The following SYT2 variants were observed in gnomAD, a reference collection of about 807,000 sequenced individuals.
SYT2 encodes the protein synaptotagmin-2.
In SYT2, 15 loss-of-function variants were observed where a neutral mutation model predicts 39.9. The ratio of observed to expected loss-of-function variants is 0.38; its 90% CI spans 0.25 to 0.58. SYT2 has a LOEUF of 0.58. SYT2 is among the 20% of genes least tolerant of loss of function. The probability of loss-of-function intolerance (pLI) is 0.70; values close to 1 mark genes in which losing one functional copy is unlikely to be tolerated. For synonymous variants in SYT2, 181 were observed against 204.5 expected, an observed-to-expected ratio of 0.89 and a Z score of 0.98; for missense variants, 389 against 530.3, an observed-to-expected ratio of 0.73 and a Z score of 2.62.
chr1:202,597,093 C>G lies in SYT2; in HGVS notation c.1054-130G>C, dbSNP rs1239356618. On this transcript the variant is annotated intron_variant, in intron 8 of 8. Transcript: ENST00000367268. ...CTCCTGGGGCTCCTTGGTTTCATCT[C>G]TGCTCCAGTGAAGACTGAATTGACA... The G allele has an allele frequency of 2.3e-5, 17 of 745,134 alleles. No homozygotes were observed. The East Asian group carries it at 4.6e-4, about 20-fold the overall frequency. 46.2% of individuals were successfully genotyped at this position (745,134 alleles called of 1,614,324 possible). A position where few individuals can be genotyped will look rare whatever the true frequency, so the allele number is the denominator to read the frequency against.
intron 2 of SYT2, 152 bp downstream of exon 2, chr1:202,605,443 C>T (rs1572616169): frequency 1.6e-6 from 1 of 612,154 alleles, no homozygotes; most frequent in African/African-American, 1.8e-5. Context: ...TTCCCCCTCC[C>T]CGATTCCTGC....
intron 1 of SYT2, among the ~76,000 whole-genome samples, chr1:202,641,862 T>C (rs1691925664): frequency 6.6e-6 from 1 of 152,172 alleles, no homozygotes; most frequent in African/African-American, 2.4e-5. Flanking sequence ...GCAAAGAGGA[T>C]GTGTAATGCT....
At chr1:202,629,307 C>T (rs953336907) in intron 1 of SYT2, among the ~76,000 whole-genome samples, 2 of 152,204 alleles carry the variant, frequency 1.3e-5, no homozygotes, top group African/African-American at 4.8e-5. Context: ...TTCTTTCCTG[C>T]CCCTGTGTCC....
chr1:202,602,605 G>A (rs910512410), intron 4 of SYT2, 60 bp from the exon 5 acceptor site: 1 of 1,527,710 alleles, frequency 6.5e-7, no homozygotes, highest in East Asian at 2.3e-5. Flanking sequence ...TACCACAACT[G>A]GCCCCAGACC....
chr1:202,695,240 C>A (rs568398542), intron 1 of SYT2, among the ~76,000 whole-genome samples: 30 of 152,134 alleles, frequency 2.0e-4, no homozygotes, highest in Admixed American at 6.5e-5. Flanking sequence ...CACAGGGAGA[C>A]CTGTGACCCC....
At position 202,595,627 on chromosome 1, in the gene SYT2, C is replaced by T. The variant is rs1690259436; in HGVS notation, c.*1130G>A. On this transcript the variant is annotated 3_prime_UTR_variant, in exon 9 of 9. Coordinates refer to ENST00000367268, the MANE Select transcript of SYT2 (RefSeq NM_177402.5). ...ATTTAAACTTTCCTTTTAAAGTTCT[C>T]TGGCTCTGCACAGATAACGTGTCTT... 1 of 152,250 alleles carries T rather than the reference C, an allele frequency of 6.6e-6. No homozygotes were observed. The highest frequency in any genetic ancestry group is 1.5e-5 in the Non-Finnish European group (1 of 68,056). 9.4% of individuals were successfully genotyped at this position (152,250 alleles called of 1,614,324 possible). A position where few individuals can be genotyped will look rare whatever the true frequency, so the allele number is the denominator to read the frequency against.
rs1690195400 is a variant in SYT2, at chr1:202,593,548, A to G, written c.*3209T>C. ...CCTAATCCCTGCTATCTCATCCTCT[A>G]CTGAGGGACTCCAGGAAAGTCACTT... is the stretch of plus-strand genomic sequence containing the variant. On this transcript the variant is annotated 3_prime_UTR_variant, in exon 9 of 9. Transcript: ENST00000367268. 6.6e-6 allele frequency: 1 copy of G among 152,154 alleles called. No individual in the cohort carries two copies. The highest frequency in any genetic ancestry group is 2.1e-4 in the South Asian group (1 of 4,824). The allele number at this position is 152,154 out of a possible 1,614,324, so 9.4% of individuals were successfully genotyped here.
rs138110417 is a variant in SYT2 at position 202,655,006 on chromosome 1, T to C, written c.-17-49217A>G. Among the ~76,000 whole-genome samples, 9 of 152,272 alleles carry C rather than the reference T, an allele frequency of 5.9e-5. No individual in the cohort carries two copies. In the East Asian group the frequency reaches 1.4e-3, roughly 23 times the overall value. ...GCACTAAAAGCAACTCCTAAGCTCCTGGCTTGTACTATGGGCCAAATGGGG... is the reference window on the plus strand; with the variant it reads ...GCACTAAAAGCAACTCCTAAGCTCCCGGCTTGTACTATGGGCCAAATGGGG... On this transcript the variant is annotated intron_variant, in intron 1 of 8. Transcript: ENST00000367268.
intron 1 of SYT2, among the ~76,000 whole-genome samples, chr1:202,690,598 T>C (rs1013890811): frequency 3.9e-5 from 6 of 152,200 alleles, no homozygotes; most frequent in African/African-American, 1.4e-4. Context: ...TGAGACATGC[T>C]CAAGGACAAG....
chr1:202,624,767 G>C (rs796155692), intron 1 of SYT2, among the ~76,000 whole-genome samples: 221 of 21,394 alleles, frequency 0.01, no homozygotes, highest in Middle Eastern at 0.071. Flanking sequence ...TGTGTGTGTG[G>C]TGTGTGGTGT....
intron 1 of SYT2, among the ~76,000 whole-genome samples, chr1:202,612,032 C>T (rs1269308871): frequency 2.0e-5 from 3 of 152,052 alleles, no homozygotes; most frequent in African/African-American, 7.2e-5. Context: ...TAATTTTCTT[C>T]TAGAAATTAG....
intron 1 of SYT2, among the ~76,000 whole-genome samples, chr1:202,629,314 G>A (rs987455107): frequency 6.6e-6 from 1 of 152,134 alleles, no homozygotes; most frequent in Non-Finnish European, 1.5e-5. Context: ...CTGCCCCTGT[G>A]TCCAGATACT....
intron 1 of SYT2, among the ~76,000 whole-genome samples, chr1:202,633,186 T>A (rs1015902012): frequency 5.3e-5 from 8 of 152,074 alleles, no homozygotes; most frequent in Non-Finnish European, 1.0e-4. Context: ...AGCCACTAGC[T>A]CAAATACTGA....
In SYT2 at chr1:202,693,135, G is replaced by A. The variant is rs192506854; in HGVS notation, c.-18+17123C>T. 1.1e-4 allele frequency among the ~76,000 whole-genome samples: 16 copies of A among 152,252 alleles called. No homozygotes were observed. The East Asian group carries it at 3.1e-3, about 29-fold the overall frequency. ...CCCTACTGTCTGTGAGCAGAGGAGG[G>A]CAGCACTGAGCTCTGTCCATGGTGC... On this transcript the variant is annotated intron_variant, in intron 1 of 8. Transcript: ENST00000367268.
At chr1:202,702,504 C>T (rs1439331940) in intron 1 of SYT2, among the ~76,000 whole-genome samples, 1 of 152,198 alleles carries the variant, frequency 6.6e-6, no homozygotes, top group East Asian at 1.9e-4. Flanking sequence ...CCACAGCCAC[C>T]CTTGAGTTTC....
chr1:202,704,970 C>T (rs767640259), intron 1 of SYT2, among the ~76,000 whole-genome samples: 4 of 152,238 alleles, frequency 2.6e-5, no homozygotes, highest in Non-Finnish European at 5.9e-5. Context: ...GGAATCACTG[C>T]CTAATTTTTG....
intron 1 of SYT2, among the ~76,000 whole-genome samples, chr1:202,621,699 A>T (rs1691207498): frequency 1.3e-5 from 2 of 152,184 alleles, no homozygotes; most frequent in African/African-American, 4.8e-5. Context: ...CTGCAGGAAG[A>T]ATGCCACCAG....
chr1:202,616,550 G>A (rs918439307), intron 1 of SYT2, among the ~76,000 whole-genome samples: 6 of 152,164 alleles, frequency 3.9e-5, no homozygotes, highest in African/African-American at 1.4e-4. Flanking sequence ...TCCCCATTTC[G>A]TCACGTCCAC....
At chr1:202,666,960 C>T (rs2149107832) in intron 1 of SYT2, among the ~76,000 whole-genome samples, 1 of 152,308 alleles carries the variant, frequency 6.6e-6, no homozygotes, top group African/African-American at 2.4e-5. Context: ...CCAGCCTGGG[C>T]AACTGAGCGA....
Sources: allele counts gnomAD v4.1 joint callset (sites outside exome capture counted in the v4.1 genomes callset), GRCh38; gene constraint gnomAD v4.1.1; transcripts MANE v1.5; gene names NCBI Gene and HGNC (gene_info 2026-07-23, HGNC 2026-07-21).